ZNF365: variants seen among roughly 807,000 people sequenced by gnomAD.
ZNF365 encodes the protein protein ZNF365.
In ZNF365, 22 loss-of-function variants were observed where a neutral mutation model predicts 35.0. That is an observed-to-expected ratio of 0.63 (90% CI 0.45 to 0.90). The LOEUF is 0.90. Ranked by LOEUF, ZNF365 falls within the 40% of genes least tolerant of loss-of-function variation. The pLI, the probability that ZNF365 is intolerant of heterozygous loss-of-function variation, is 0.00. For missense variants in ZNF365, 448 were observed against 500.3 expected (o/e 0.90, Z 1.00); for synonymous variants, 188 against 196.2 (o/e 0.96, Z 0.35).
intron 3 of ZNF365, among the ~76,000 whole-genome samples, chr10:62,448,126 T>C (rs897486718): frequency 1.3e-5 from 2 of 152,230 alleles, no homozygotes; most frequent in African/African-American, 4.8e-5. Context: ...ATTGCAAATA[T>C]TATACACATC....
chr10:62,473,671 T>A (rs1380673254), intron 4 of ZNF365, among the ~76,000 whole-genome samples: 1 of 152,060 alleles, frequency 6.6e-6, no homozygotes, highest in Non-Finnish European at 1.5e-5. Flanking sequence ...GAACCATGCC[T>A]GGCACATAGT....
At chr10:62,473,711 C>T (rs1201551590) in intron 4 of ZNF365, among the ~76,000 whole-genome samples, 1 of 152,050 alleles carries the variant, frequency 6.6e-6, no homozygotes, top group African/African-American at 2.4e-5. Flanking sequence ...TTACTATTCA[C>T]CTATAAATTG....
At chr10:62,453,343 A>G (rs1047709377) in intron 3 of ZNF365, among the ~76,000 whole-genome samples, 1 of 152,300 alleles carries the variant, frequency 6.6e-6, no homozygotes, top group African/African-American at 2.4e-5. Flanking sequence ...GTCCACGTGG[A>G]CACATTATTT....
At chr10:62,392,951 C>T (rs1839659019) in intron 3 of ZNF365, among the ~76,000 whole-genome samples, 2 of 152,274 alleles carry the variant, frequency 1.3e-5, no homozygotes, top group Non-Finnish European at 2.9e-5. Context: ...TATTTTTATA[C>T]CAGAGAAGTA....
At chr10:62,396,027 G>C (rs1465142183) in intron 3 of ZNF365, among the ~76,000 whole-genome samples, 3 of 152,160 alleles carry the variant, frequency 2.0e-5, no homozygotes, top group Admixed American at 6.5e-5. Flanking sequence ...GACTAAGTGG[G>C]AAAAGCTTTT....
intron 1 of ZNF365, chr10:62,375,690 T>A (rs1442848740): frequency 6.1e-6 from 1 of 163,480 alleles, no homozygotes; most frequent in Non-Finnish European, 1.4e-5. Context: ...ATTGTATCCT[T>A]AAAATGGGGC....
chr10:62,406,399 T>A (rs1037973191), downstream of ZNF365, among the ~76,000 whole-genome samples: 1 of 152,118 alleles, frequency 6.6e-6, no homozygotes, highest in African/African-American at 2.4e-5. Flanking sequence ...TTTATAATAT[T>A]TAATGGTGTG....
intron 4 of ZNF365, among the ~76,000 whole-genome samples, chr10:62,467,067 G>A (rs1036192119): frequency 1.3e-5 from 2 of 152,182 alleles, no homozygotes; most frequent in African/African-American, 4.8e-5. Flanking sequence ...CCATTTGCAA[G>A]TAAAATAACC....
At chr10:62,430,493 A>G (rs186080280) in intron 3 of ZNF365, among the ~76,000 whole-genome samples, 4 of 152,274 alleles carry the variant, frequency 2.6e-5, no homozygotes. Context: ...TTGAATTTCT[A>G]TGAGATTCCC....
At chr10:62,434,073 G>A (rs1209921991) in intron 3 of ZNF365, among the ~76,000 whole-genome samples, 1 of 152,112 alleles carries the variant, frequency 6.6e-6, no homozygotes, top group Non-Finnish European at 1.5e-5. Context: ...CCTGGGGCAC[G>A]TGTTAAAAAA....
chr10:62,401,787 T>C lies in ZNF365; in HGVS notation c.*1998T>C. The C allele has an allele frequency of 1.0e-6, 1 of 985,536 alleles. No individual in the cohort carries two copies. The highest frequency in any genetic ancestry group is 1.2e-6 in the Non-Finnish European group (1 of 829,910). The allele number at this position is 985,536 out of a possible 1,614,324, so 61.0% of individuals were successfully genotyped here. On this transcript the variant is annotated 3_prime_UTR_variant, in exon 5 of 5. Coordinates refer to ENST00000395254, the MANE Select transcript of ZNF365 (RefSeq NM_014951.3). The stretch of plus-strand genomic sequence containing the variant: ...TTTAAAGTAACTGACATTTTGGATT[T>C]TCATCTAACATAGAGGGCATGGCAA...
downstream of ZNF365, among the ~76,000 whole-genome samples, chr10:62,404,670 C>T (rs148367319): frequency 2.7e-4 from 41 of 152,234 alleles, no homozygotes; most frequent in East Asian, 7.1e-3. Context: ...CCGACTCCTG[C>T]GTAATTCAAA....
intron 3 of ZNF365, among the ~76,000 whole-genome samples, chr10:62,422,184 G>A (rs960844242): frequency 6.6e-6 from 1 of 152,150 alleles, no homozygotes; most frequent in African/African-American, 2.4e-5. Context: ...CTGCATGCAT[G>A]CCAGAGGTGG....
chr10:62,442,479 G>A (rs1030314464), intron 3 of ZNF365, among the ~76,000 whole-genome samples: 1 of 152,200 alleles, frequency 6.6e-6, no homozygotes, highest in Non-Finnish European at 1.5e-5. Flanking sequence ...GGTGGGTGGG[G>A]TGGAGGGAGA....
intron 3 of ZNF365, among the ~76,000 whole-genome samples, chr10:62,422,360 G>C (rs913468628): frequency 6.6e-6 from 1 of 152,064 alleles, no homozygotes; most frequent in African/African-American, 2.4e-5. Flanking sequence ...GAACTTCTTT[G>C]GTTGTTAAAG....
chr10:62,429,093 G>C (rs1322205999), intron 3 of ZNF365, among the ~76,000 whole-genome samples: 1 of 152,118 alleles, frequency 6.6e-6, no homozygotes. Flanking sequence ...AACTAGATAA[G>C]CCAATGTGTG....
At position 62,394,555 on chromosome 10, in the gene ZNF365, G is replaced by A. The variant is rs147025247; in HGVS notation, c.925-4185G>A. ...GTGATTTTGACAGATGGGATAGTAG[G>A]TCACTTTGTGTCTAATTCGGCACCA... On this transcript the variant is annotated intron_variant, in intron 3 of 4. Coordinates refer to ENST00000395254, the MANE Select transcript of ZNF365 (RefSeq NM_014951.3). 2.4e-3 allele frequency among the ~76,000 whole-genome samples: 365 copies of A among 152,290 alleles called. 3 individuals are homozygous for A. The highest frequency in any genetic ancestry group is 3.0e-3 in the Non-Finnish European group (206 of 68,032).
At chr10:62,454,717 T>C (rs954627507) in intron 3 of ZNF365, among the ~76,000 whole-genome samples, 10 of 152,170 alleles carry the variant, frequency 6.6e-5, no homozygotes, top group African/African-American at 2.4e-4. Context: ...AATTTCTTCC[T>C]GAATCCGTGC....
intron 3 of ZNF365, among the ~76,000 whole-genome samples, chr10:62,419,494 G>T (rs994165867): frequency 8.0e-6 from 1 of 124,930 alleles, no homozygotes; most frequent in Non-Finnish European, 1.7e-5. Context: ...GTTTTTAAAG[G>T]AAAAAAAAAA....
Sources: gnomAD v4.1 joint callset for allele counts (sites outside exome capture counted in the v4.1 genomes callset) on GRCh38, gnomAD v4.1.1 for gene constraint, MANE v1.5 for transcripts, NCBI Gene and HGNC (gene_info 2026-07-23, HGNC 2026-07-21) for gene names.